The following PHC3 variants were observed in gnomAD, a reference collection of about 807,000 sequenced individuals.
PHC3 encodes the protein polyhomeotic-like protein 3.
A neutral mutation model predicts 107.4 loss-of-function variants in PHC3; 13 were observed. The observed-to-expected ratio is 0.12, with a 90% CI of 0.08 to 0.19. The LOEUF (loss-of-function observed/expected upper bound fraction) is 0.19, where lower values mean the gene tolerates loss of function less well. PHC3 is among the 10% of genes least tolerant of loss of function. The probability of loss-of-function intolerance (pLI) is 1.00; values close to 1 mark genes in which losing one functional copy is unlikely to be tolerated. For missense variants in PHC3, 992 were observed against 1,210.9 expected (o/e 0.82, Z 2.68); for synonymous variants, 456 against 427.4 (o/e 1.07, Z -0.83).
chr3:170,102,951 AG>A lies in PHC3; in HGVS notation c.2469-18del. 6.3e-7 allele frequency: 1 copy of A among 1,596,440 alleles called. No individual in the cohort carries two copies. On this transcript the variant is annotated intron_variant, in intron 12 of 14. Transcript: ENST00000495893. The stretch of plus-strand genomic sequence containing the variant: ...ACATTGTACCTAAGAAATTCAAGAA[AG>A]AAAAAATATTTAATGATATATGGGA...
At chr3:170,114,897 A>T (rs997674957) in intron 10 of PHC3, among the ~76,000 whole-genome samples, 2 of 152,214 alleles carry the variant, frequency 1.3e-5, no homozygotes, top group African/African-American at 4.8e-5. Flanking sequence ...CATTTTGTTC[A>T]TTTGAGTTAG....
chr3:170,106,579 T>G (rs1394227969), intron 12 of PHC3, among the ~76,000 whole-genome samples: 1 of 152,188 alleles, frequency 6.6e-6, no homozygotes, highest in African/African-American at 2.4e-5. Flanking sequence ...TAATATTAGA[T>G]TATACTGTAC....
At chr3:170,124,095 G>C (rs1720881528) in intron 8 of PHC3, among the ~76,000 whole-genome samples, 1 of 152,062 alleles carries the variant, frequency 6.6e-6, no homozygotes, top group Admixed American at 6.5e-5. Context: ...TGATCCACCT[G>C]CCTTGGCCTC....
In PHC3 at chr3:170,136,543, G is replaced by A; in HGVS notation, c.795C>T (p.Thr265=). 6.2e-7 allele frequency: 1 copy of A among 1,612,608 alleles called. No individual in the cohort carries two copies. Among genetic ancestry groups the A allele is most frequent in the South Asian group, 1.1e-5 (1 of 90,820 alleles). ...GATCTCGTTGGCTGATTTTAGAACT[G>A]GTCACTGTTGTTTTGTTATGACAAA... ...LTICHNKTTV[T]SSKISQRDPS... The change falls in exon 7 of 15, where the codon ACC becomes ACT. Residue 265 remains threonine (T), a synonymous_variant. Coordinates refer to ENST00000495893, the MANE Select transcript of PHC3 (RefSeq NM_024947.4).
At chr3:170,147,859 G>C (rs1394607306) in intron 5 of PHC3, 3 of 152,198 alleles carry the variant, frequency 2.0e-5, no homozygotes, top group Non-Finnish European at 2.9e-5. Flanking sequence ...TGACCCGTAT[G>C]AAACTGCTAA....
Position 170,099,451 on chromosome 3 carries a change from AAAC to A in PHC3, c.2834-2070_2834-2068del, listed in dbSNP as rs1317520684. Among the ~76,000 whole-genome samples, 3 of 152,330 alleles carry A rather than the reference AAAC, an allele frequency of 2.0e-5. 1 individual carries two copies. In the East Asian group the frequency reaches 5.8e-4, roughly 29 times the overall value. ...CTCATTACAGAAAAATATATTTTAA[AAAC>A]AATTTTAAGTGCTCAAGGTATACTG... On this transcript the variant is annotated intron_variant, in intron 14 of 14. Transcript: ENST00000495893.
At chr3:170,153,321 T>G (rs143994786) in intron 4 of PHC3, among the ~76,000 whole-genome samples, 1,632 of 152,264 alleles carry the variant, frequency 0.011, 33 homozygotes, top group African/African-American at 0.037. Flanking sequence ...CCATTTTGAT[T>G]TTTCATCACT....
At chr3:170,103,424 A>C (rs927822030) in intron 12 of PHC3, among the ~76,000 whole-genome samples, 2 of 152,252 alleles carry the variant, frequency 1.3e-5, no homozygotes, top group Non-Finnish European at 2.9e-5. Context: ...ATATTATTAA[A>C]ATCAAAGAAT....
intron 4 of PHC3, among the ~76,000 whole-genome samples, chr3:170,150,954 T>C (rs1297171978): frequency 1.3e-5 from 2 of 152,098 alleles, no homozygotes; most frequent in African/African-American, 4.8e-5. Flanking sequence ...GGCTCCAGCC[T>C]ATAATCCCAG....
rs1274890142 is a variant in PHC3, at chr3:170,092,304, A to G, written c.*4926T>C. ...TGTGAGCCACCATGCCCAGCCCCAA[A>G]TAATTTCTTTTAAGATATACAGCTT... On this transcript the variant is annotated 3_prime_UTR_variant, in exon 15 of 15. Coordinates refer to ENST00000495893, the MANE Select transcript of PHC3 (RefSeq NM_024947.4). 3.9e-5 allele frequency: 6 copies of G among 152,078 alleles called. No individual in the cohort carries two copies. Among genetic ancestry groups the G allele is most frequent in the Non-Finnish European group, 8.8e-5 (6 of 68,000 alleles). The allele number at this position is 152,078 out of a possible 1,614,324, so 9.4% of individuals were successfully genotyped here. A position where few individuals can be genotyped will look rare whatever the true frequency, so the allele number is the denominator to read the frequency against.
intron 2 of PHC3, 132 bp downstream of exon 2, chr3:170,178,641 G>C: frequency 3.0e-6 from 3 of 993,914 alleles, no homozygotes; most frequent in Admixed American, 1.9e-5. Flanking sequence ...AAAATGGATT[G>C]AGACAGTTGA....
At chr3:170,108,025 T>A (rs1716901780) in intron 11 of PHC3, among the ~76,000 whole-genome samples, 1 of 152,152 alleles carries the variant, frequency 6.6e-6, no homozygotes, top group African/African-American at 2.4e-5. Context: ...ATTTTCCACA[T>A]AAGAACTAAA....
intron 4 of PHC3, among the ~76,000 whole-genome samples, chr3:170,168,491 C>A (rs930831614): frequency 6.6e-6 from 1 of 151,380 alleles, no homozygotes. Context: ...CACGGCCGGG[C>A]ACGGTGGCTC....
chr3:170,169,041 C>T (rs35883944), intron 4 of PHC3, among the ~76,000 whole-genome samples: 15,222 of 151,724 alleles, frequency 0.1, 987 homozygotes, highest in Non-Finnish European at 0.14. Flanking sequence ...CCAATGAACA[C>T]TCCTCCTTTG....
Position 170,161,815 on chromosome 3 carries a change from G to C in PHC3, c.414+9558C>G, listed in dbSNP as rs533344104. Among the ~76,000 whole-genome samples the C allele has an allele frequency of 7.2e-5, 11 of 152,342 alleles. 1 individual carries two copies. The highest frequency in any genetic ancestry group is 6.2e-4 in the South Asian group (3 of 4,830). On this transcript the variant is annotated intron_variant, in intron 4 of 14. Transcript: ENST00000495893. ...TCTCACTGTGTCCTCACGTAGCAGA[G>C]AAATTGCCAGTGTCTCTTCTTCGAA...
chr3:170,127,221 C>T (rs1449188335), intron 8 of PHC3, among the ~76,000 whole-genome samples: 1 of 152,112 alleles, frequency 6.6e-6, no homozygotes, highest in East Asian at 1.9e-4. Flanking sequence ...GCTCAGTTGC[C>T]CAGGCCGCAA....
intron 7 of PHC3, among the ~76,000 whole-genome samples, chr3:170,133,938 A>G (rs1007112843): frequency 1.3e-5 from 2 of 152,100 alleles, no homozygotes; most frequent in Non-Finnish European, 2.9e-5. Context: ...TTTAGAAAGA[A>G]ATCAATCTAC....
intron 10 of PHC3, among the ~76,000 whole-genome samples, chr3:170,116,281 A>G (rs1216606524): frequency 6.6e-6 from 1 of 152,144 alleles, no homozygotes; most frequent in Non-Finnish European, 1.5e-5. Flanking sequence ...AATACACTTT[A>G]TGGCCAGGTG....
intron 10 of PHC3, among the ~76,000 whole-genome samples, chr3:170,114,301 G>A (rs766498155): frequency 2.2e-4 from 33 of 152,138 alleles, no homozygotes; most frequent in Non-Finnish European, 3.7e-4. Context: ...GAGCCACTGC[G>A]CCCGGCCAAT....
Sources: gnomAD v4.1 joint callset for allele counts (sites outside exome capture counted in the v4.1 genomes callset) on GRCh38, gnomAD v4.1.1 for gene constraint, MANE v1.5 for transcripts, NCBI Gene and HGNC (gene_info 2026-07-23, HGNC 2026-07-21) for gene names.